Variants in CNTN6 observed in about 807,000 individuals in gnomAD.
CNTN6 encodes contactin 6.
A neutral mutation model predicts 122.8 loss-of-function variants in CNTN6; 137 were observed. The observed-to-expected ratio is 1.12, with a 90% CI of 0.97 to 1.29. The LOEUF is 1.29. Among genes scored for constraint, CNTN6 ranks in the 50% most tolerant of loss-of-function variants. The probability of loss-of-function intolerance (pLI) is 0.00; values close to 1 mark genes in which losing one functional copy is unlikely to be tolerated. For missense variants in CNTN6, 1,634 were observed against 1,223.4 expected (o/e 1.34, Z -5.01); for synonymous variants, 570 against 426.0 (o/e 1.34, Z -4.16).
chr3:1,103,639 G>A (rs1342951327), intron 1 of CNTN6, among the ~76,000 whole-genome samples: 2 of 152,176 alleles, frequency 1.3e-5, no homozygotes, highest in South Asian at 2.1e-4. Flanking sequence ...TTCGTTATGC[G>A]TAGTTCAACA....
chr3:1,266,406 G>A (rs187451513), intron 4 of CNTN6, among the ~76,000 whole-genome samples: 21 of 152,266 alleles, frequency 1.4e-4, no homozygotes, highest in South Asian at 4.1e-4. Context: ...AGTTGTGGAA[G>A]TTCTTGCAAA....
rs1020541597 is a variant in CNTN6, at chr3:1,354,755, A to G, written c.1492+2304A>G. 1.3e-4 allele frequency among the ~76,000 whole-genome samples: 19 copies of G among 151,508 alleles called. 1 individual carries two copies. Among genetic ancestry groups the G allele is most frequent in the Admixed American group, 4.6e-4 (7 of 15,144 alleles). On this transcript the variant is annotated intron_variant, in intron 12 of 22. Coordinates refer to ENST00000446702, the MANE Select transcript of CNTN6 (RefSeq NM_001289080.2). ...TTTTTCATACTGGCTTCCTTGCTCTAAAATCGGACAGTTTTCAATTTTTCA... is the reference window on the plus strand; with the variant it reads ...TTTTTCATACTGGCTTCCTTGCTCTGAAATCGGACAGTTTTCAATTTTTCA...
chr3:1,272,000 G>A (rs1043261280), intron 4 of CNTN6, among the ~76,000 whole-genome samples: 3 of 152,074 alleles, frequency 2.0e-5, no homozygotes, highest in Admixed American at 6.5e-5. Context: ...TGAATCATGG[G>A]GGCAGGTTTT....
chr3:1,398,336 A>T (rs574088502), intron 20 of CNTN6, among the ~76,000 whole-genome samples: 5 of 152,278 alleles, frequency 3.3e-5, no homozygotes, highest in African/African-American at 4.8e-5. Flanking sequence ...GACACTGGAG[A>T]AACATCCATT....
intron 12 of CNTN6, among the ~76,000 whole-genome samples, chr3:1,362,201 A>T (rs908965032): frequency 6.6e-6 from 1 of 152,124 alleles, no homozygotes; most frequent in Non-Finnish European, 1.5e-5. Flanking sequence ...TGCTTGAAAA[A>T]GTAAATCTTC....
chr3:1,107,904 A>G (rs1297652113), intron 1 of CNTN6, among the ~76,000 whole-genome samples: 1 of 152,096 alleles, frequency 6.6e-6, no homozygotes, highest in Admixed American at 6.6e-5. Flanking sequence ...ACCCGAAATT[A>G]TTTAAGAGTA....
intron 5 of CNTN6, among the ~76,000 whole-genome samples, chr3:1,290,281 G>C (rs1052910632): frequency 2.0e-5 from 3 of 152,206 alleles, no homozygotes; most frequent in Non-Finnish European, 4.4e-5. Context: ...TCACATGGCA[G>C]TTTAACTTAT....
At chr3:1,301,969 C>G (rs1351286740) in intron 7 of CNTN6, among the ~76,000 whole-genome samples, 1 of 151,942 alleles carries the variant, frequency 6.6e-6, no homozygotes, top group Non-Finnish European at 1.5e-5. Context: ...CCTTTGAGTC[C>G]ATTATAAATT....
chr3:1,362,717 A>G (rs1317895764), intron 12 of CNTN6, among the ~76,000 whole-genome samples: 1 of 152,006 alleles, frequency 6.6e-6, no homozygotes, highest in East Asian at 1.9e-4. Flanking sequence ...AGCAGAGAGG[A>G]CAGAAAGAAA....
chr3:1,354,958 C>A (rs748932581), intron 12 of CNTN6, among the ~76,000 whole-genome samples: 1 of 151,464 alleles, frequency 6.6e-6, no homozygotes, highest in Non-Finnish European at 1.5e-5. Flanking sequence ...TCCAAAAATT[C>A]GTGAAGAGAA....
chr3:1,164,073 G>C (rs758230534), intron 2 of CNTN6, among the ~76,000 whole-genome samples: 6 of 152,214 alleles, frequency 3.9e-5, no homozygotes, highest in Non-Finnish European at 8.8e-5. Context: ...GTGAGATTTG[G>C]AAGGTGGAAA....
chr3:1,196,026 A>G (rs2093772626), intron 2 of CNTN6, among the ~76,000 whole-genome samples: 1 of 152,196 alleles, frequency 6.6e-6, no homozygotes, highest in Non-Finnish European at 1.5e-5. Context: ...AGAGACAATG[A>G]AAGGTTAGGT....
chr3:1,125,519 G>A (rs2092128758), intron 1 of CNTN6, among the ~76,000 whole-genome samples: 1 of 151,818 alleles, frequency 6.6e-6, no homozygotes, highest in Non-Finnish European at 1.5e-5. Flanking sequence ...AAATGCCAGA[G>A]GCAATGTGAG....
intron 20 of CNTN6, among the ~76,000 whole-genome samples, chr3:1,393,407 T>G (rs1576072804): frequency 1.2e-5 from 1 of 83,420 alleles, no homozygotes; most frequent in Non-Finnish European, 2.3e-5. Context: ...GGGACTGTGG[T>G]GAGGTGGGGG....
intron 17 of CNTN6, 30 bp from the exon 18 acceptor site, chr3:1,382,912 T>TACTC (rs1692135610): frequency 6.8e-7 from 1 of 1,471,390 alleles, no homozygotes; most frequent in East Asian, 2.3e-5. Flanking sequence ...TTTTTGCAAA[T>TACTC]ACTCAGTGAT....
At chr3:1,217,466 C>T (rs529604960) in intron 2 of CNTN6, among the ~76,000 whole-genome samples, 1 of 152,238 alleles carries the variant, frequency 6.6e-6, no homozygotes, top group African/African-American at 2.4e-5. Flanking sequence ...TTAGTTGAGA[C>T]ACCCTCCTAC....
intron 2 of CNTN6, among the ~76,000 whole-genome samples, chr3:1,202,920 A>G (rs189951022): frequency 3.3e-5 from 5 of 152,312 alleles, no homozygotes; most frequent in South Asian, 2.1e-4. Flanking sequence ...TCATTTTCTT[A>G]TTACATATTT....
chr3:1,203,409 C>T (rs202009918), intron 2 of CNTN6, among the ~76,000 whole-genome samples: 4 of 152,256 alleles, frequency 2.6e-5, no homozygotes, highest in East Asian at 3.9e-4. Flanking sequence ...GCTAGTTTCA[C>T]AAAGGGCAAA....
At chr3:1,155,469 T>C (rs1272300566) in intron 2 of CNTN6, among the ~76,000 whole-genome samples, 1 of 148,924 alleles carries the variant, frequency 6.7e-6, no homozygotes, top group Non-Finnish European at 1.5e-5. Flanking sequence ...AATATATCTT[T>C]TGGGCTTAGG....
Sources: allele counts gnomAD v4.1 joint callset (sites outside exome capture counted in the v4.1 genomes callset), GRCh38; gene constraint gnomAD v4.1.1; transcripts MANE v1.5; gene names NCBI Gene and HGNC (gene_info 2026-07-23, HGNC 2026-07-21).